SLC35E2B: variants seen among roughly 807,000 people sequenced by gnomAD.
The protein encoded by SLC35E2B is solute carrier family 35, member E2B.
In SLC35E2B, 18 loss-of-function variants were observed where a neutral mutation model predicts 32.4. The observed-to-expected ratio is 0.56, with a 90% CI of 0.38 to 0.82. The LOEUF (loss-of-function observed/expected upper bound fraction) is 0.82, where lower values mean the gene tolerates loss of function less well. SLC35E2B is among the 40% of genes least tolerant of loss of function. SLC35E2B has a pLI of 0.00. For synonymous variants in SLC35E2B, 132 were observed against 209.1 expected (o/e 0.63, Z 3.18); for missense variants, 263 against 469.5 (o/e 0.56, Z 4.06).
intron 7 of SLC35E2B, 127 bp from the exon 8 acceptor site, chr1:1,669,863 G>C (rs753799720): frequency 9.6e-7 from 1 of 1,037,244 alleles, no homozygotes. Flanking sequence ...GACAGGACTA[G>C]GGTGCTGCAG....
At chr1:1,671,367 T>G in intron 6 of SLC35E2B, 142 bp downstream of exon 6, 1 of 953,674 alleles carries the variant, frequency 1.0e-6, no homozygotes, top group Non-Finnish European at 1.4e-6. Context: ...ACCTGTTGTT[T>G]TGCTCTTTAG....
At chr1:1,674,326 G>A (rs1161921442) in intron 5 of SLC35E2B, 3 of 152,620 alleles carry the variant, frequency 2.0e-5, no homozygotes, top group African/African-American at 4.8e-5. Flanking sequence ...GGAACGCAAG[G>A]TCCAAACTTT....
rs549598263 is a variant in SLC35E2B at position 1,666,600 on chromosome 1, A to G, written c.981-581T>C. Among the ~76,000 whole-genome samples, 5 of 152,330 alleles carry G rather than the reference A, an allele frequency of 3.3e-5. No individual in the cohort carries two copies. In the East Asian group the frequency reaches 9.7e-4, roughly 29 times the overall value. On this transcript the variant is annotated intron_variant, in intron 9 of 9. Coordinates refer to ENST00000617444, the MANE Select transcript of SLC35E2B (RefSeq NM_001290264.2). Reference sequence around the variant, plus strand: ...ACTTCAGCCTGCTCTCTAAAGAACAAGAACATCACCGGGCGCAGCGGCTTA... The same window carrying G: ...ACTTCAGCCTGCTCTCTAAAGAACAGGAACATCACCGGGCGCAGCGGCTTA...
chr1:1,687,368 G>C (rs562591610), intron 2 of SLC35E2B, among the ~76,000 whole-genome samples: 1 of 152,026 alleles, frequency 6.6e-6, no homozygotes, highest in African/African-American at 2.4e-5. Context: ...CCCGAGCTCA[G>C]GAGTTCTAGA....
In SLC35E2B at chr1:1,663,047, C is replaced by T; in HGVS notation, c.*2735G>A. 2 of 954,668 alleles carry T rather than the reference C, an allele frequency of 2.1e-6. No individual in the cohort carries two copies. The highest frequency in any genetic ancestry group is 2.5e-6 in the Non-Finnish European group (2 of 802,220). The allele number at this position is 954,668 out of a possible 1,614,324, so 59.1% of individuals were successfully genotyped here. A position where few individuals can be genotyped will look rare whatever the true frequency, so the allele number is the denominator to read the frequency against. On this transcript the variant is annotated 3_prime_UTR_variant, in exon 10 of 10. Transcript: ENST00000617444. ...ACCAGCGGCTGGAAACTGACTTGGG[C>T]ATGGAGAGGAGACTGAGGGAGAGGG... is the stretch of plus-strand genomic sequence containing the variant.
chr1:1,675,025 C>T (rs1023131948), intron 5 of SLC35E2B, among the ~76,000 whole-genome samples: 8 of 151,862 alleles, frequency 5.3e-5, no homozygotes, highest in African/African-American at 1.9e-4. Context: ...GGGCCCAGGA[C>T]AGGCCTGTGG....
At chr1:1,674,645 A>C (rs541677983) in intron 5 of SLC35E2B, among the ~76,000 whole-genome samples, 3 of 151,114 alleles carry the variant, frequency 2.0e-5, no homozygotes, top group East Asian at 3.9e-4. Context: ...AAAAAAAAAA[A>C]ACAAAAAAAA....
chr1:1,670,782 T>C (rs1379632386), intron 6 of SLC35E2B: 1 of 152,236 alleles, frequency 6.6e-6, no homozygotes, highest in African/African-American at 2.4e-5. Flanking sequence ...TGATTATCAG[T>C]AATAATGATA....
chr1:1,682,965 T>C (rs1264634597), intron 2 of SLC35E2B, among the ~76,000 whole-genome samples: 1 of 151,998 alleles, frequency 6.6e-6, no homozygotes, highest in African/African-American at 2.4e-5. Context: ...TAATCCCACC[T>C]ACTCAAGAGG....
intron 2 of SLC35E2B, among the ~76,000 whole-genome samples, chr1:1,683,463 C>T (rs1643917169): frequency 6.6e-6 from 1 of 152,182 alleles, no homozygotes; most frequent in Admixed American, 6.5e-5. Context: ...AGAGGAGCAG[C>T]CGGCCGCAGA....
chr1:1,678,941 C>A (rs74859480), intron 2 of SLC35E2B, among the ~76,000 whole-genome samples: 2 of 152,130 alleles, frequency 1.3e-5, no homozygotes, highest in African/African-American at 2.4e-5. Flanking sequence ...ACAAAGGGTG[C>A]GGCAGAGCAA....
At chr1:1,679,701 T>G (rs891460780) in intron 2 of SLC35E2B, among the ~76,000 whole-genome samples, 14 of 150,934 alleles carry the variant, frequency 9.3e-5, no homozygotes, top group Admixed American at 2.0e-4. Flanking sequence ...GTGTGGTGGC[T>G]GGCACCTGTA....
At chr1:1,669,134 C>G (rs1338477662) in intron 8 of SLC35E2B, among the ~76,000 whole-genome samples, 1 of 152,112 alleles carries the variant, frequency 6.6e-6, no homozygotes, top group African/African-American at 2.4e-5. Context: ...TCAGCCTTGA[C>G]AGCTAATGGA....
At position 1,670,084 on chromosome 1, in the gene SLC35E2B, C is replaced by T. The variant is rs1349535064; in HGVS notation, c.761+14G>A. On this transcript the variant is annotated intron_variant, in intron 7 of 9. Transcript: ENST00000617444. ...TCTTATGACTTGGAGATTTCACTGA[C>T]GAATAATACTTACGAGAACCTGTAT... The T allele has an allele frequency of 6.5e-6, 10 of 1,548,232 alleles. No homozygotes were observed. The highest frequency in any genetic ancestry group is 2.4e-5 in the East Asian group (1 of 40,916).
chr1:1,670,322 G>T, intron 6 of SLC35E2B, 171 bp from the exon 7 acceptor site: 1 of 567,800 alleles, frequency 1.8e-6, no homozygotes, highest in East Asian at 3.1e-5. Flanking sequence ...GGGTTTCACC[G>T]TGTTGGCCAG....
In SLC35E2B at chr1:1,668,740, G is replaced by A. The variant is rs1187852176; in HGVS notation, c.835-268C>T. Reference sequence around the variant, plus strand: ...AACAAGCACATGAAAGAGGCTGAACGTCACCATCATCAGGAAAATGCAACA... The same window carrying A: ...AACAAGCACATGAAAGAGGCTGAACATCACCATCATCAGGAAAATGCAACA... On this transcript the variant is annotated intron_variant, in intron 8 of 9. Transcript: ENST00000617444. Among the ~76,000 whole-genome samples, 13 of 152,188 alleles carry A rather than the reference G, an allele frequency of 8.5e-5. No individual in the cohort carries two copies. In the East Asian group the frequency reaches 2.5e-3, roughly 29 times the overall value.
Position 1,663,797 on chromosome 1 carries a change from A to G in SLC35E2B, c.*1985T>C. On this transcript the variant is annotated 3_prime_UTR_variant, in exon 10 of 10. Transcript: ENST00000617444. ...TATTAGTTTTTGAGGAAAGCAGAAA[A>G]AAAGAAATGGAAATCCGGGGAAAGT... 1 of 903,374 alleles carries G rather than the reference A, an allele frequency of 1.1e-6. No individual in the cohort carries two copies. The highest frequency in any genetic ancestry group is 1.8e-5 in the African/African-American group (1 of 56,868). 56.0% of individuals were successfully genotyped at this position (903,374 alleles called of 1,614,324 possible). A position where few individuals can be genotyped will look rare whatever the true frequency, so the allele number is the denominator to read the frequency against.
At chr1:1,679,383 T>C (rs769656264) in intron 2 of SLC35E2B, among the ~76,000 whole-genome samples, 5 of 151,984 alleles carry the variant, frequency 3.3e-5, no homozygotes, top group Non-Finnish European at 7.4e-5. Context: ...AGGACCCCCA[T>C]TCCCCTTCTC....
chr1:1,685,414 G>GAAAA (rs571091862), intron 2 of SLC35E2B, among the ~76,000 whole-genome samples: 1 of 102,814 alleles, frequency 9.7e-6, no homozygotes, highest in African/African-American at 3.7e-5. Context: ...CGTTTTCTCA[G>GAAAA]AAAAAAAAAA....
Sources: allele counts gnomAD v4.1 joint callset (sites outside exome capture counted in the v4.1 genomes callset), GRCh38; gene constraint gnomAD v4.1.1; transcripts MANE v1.5; gene names NCBI Gene and HGNC (gene_info 2026-07-23, HGNC 2026-07-21).